Variants in DLGAP2 observed in about 807,000 individuals in gnomAD.
DLGAP2 encodes the protein disks large-associated protein 2.
In DLGAP2, 26 loss-of-function variants were observed where a neutral mutation model predicts 100.3. That is an observed-to-expected ratio of 0.26 (90% confidence interval 0.19 to 0.36). DLGAP2 has a LOEUF of 0.36. DLGAP2 is among the 10% of genes least tolerant of loss of function. The pLI is 1.00. For missense variants in DLGAP2, 1,858 were observed against 1,453.2 expected, an observed-to-expected ratio of 1.28 and a Z score of -4.53; for synonymous variants, 886 against 630.1, an observed-to-expected ratio of 1.41 and a Z score of -6.08.
intron 1 of DLGAP2, among the ~76,000 whole-genome samples, chr8:811,143 A>T (rs1048250161): frequency 2.0e-5 from 3 of 152,048 alleles, no homozygotes; most frequent in Non-Finnish European, 2.9e-5. Context: ...GGTGAAGCTC[A>T]CTCCATTATC....
rs77867208 is a variant in DLGAP2, at chr8:1,641,723, T to C, written c.1810+8677T>C. Reference sequence around the variant, plus strand: ...AGTTACTGTAAGAAAGGATTCCTAATTGGTCATTTAACATCTTATCACCCA... The same window carrying C: ...AGTTACTGTAAGAAAGGATTCCTAACTGGTCATTTAACATCTTATCACCCA... On this transcript the variant is annotated intron_variant, in intron 8 of 14. Transcript: ENST00000637795. 8.6e-3 allele frequency among the ~76,000 whole-genome samples: 1,316 copies of C among 152,232 alleles called. 20 individuals are homozygous for C. Among genetic ancestry groups the C allele is most frequent in the African/African-American group, 0.03 (1,247 of 41,516 alleles).
At chr8:1,038,433 C>T (rs1434115022) in intron 2 of DLGAP2, among the ~76,000 whole-genome samples, 2 of 152,194 alleles carry the variant, frequency 1.3e-5, no homozygotes, top group Non-Finnish European at 2.9e-5. Flanking sequence ...AAAACACCTG[C>T]AGCTGTGGGT....
chr8:959,315 CAT>C (rs776857283), intron 2 of DLGAP2, among the ~76,000 whole-genome samples: 3 of 152,196 alleles, frequency 2.0e-5, no homozygotes, highest in Non-Finnish European at 4.4e-5. Flanking sequence ...GTGTGGCACA[CAT>C]GACAGAATAA....
Position 892,789 on chromosome 8 carries a change from A to G in DLGAP2, c.19-15123A>G, listed in dbSNP as rs139914586. On this transcript the variant is annotated intron_variant, in intron 1 of 14. Transcript: ENST00000637795. ...GCCATGCTCCAGCAGTAGCAGCAACATCTCAGGTTTAGGAGGGAATTTAGG... is the reference window on the plus strand; with the variant it reads ...GCCATGCTCCAGCAGTAGCAGCAACGTCTCAGGTTTAGGAGGGAATTTAGG... Among the ~76,000 whole-genome samples the G allele has an allele frequency of 2.4e-3, 367 of 152,284 alleles. 3 individuals are homozygous for G. Among genetic ancestry groups the G allele is most frequent in the African/African-American group, 8.4e-3 (348 of 41,566 alleles).
At chr8:1,092,402 C>T (rs1478647585) in intron 2 of DLGAP2, among the ~76,000 whole-genome samples, 11 of 152,342 alleles carry the variant, frequency 7.2e-5, no homozygotes, top group South Asian at 2.1e-4. Flanking sequence ...TTGCCGTCAG[C>T]GATCCCGGGG....
intron 3 of DLGAP2, among the ~76,000 whole-genome samples, chr8:1,469,660 C>T (rs1798724889): frequency 6.6e-6 from 1 of 152,184 alleles, no homozygotes; most frequent in African/African-American, 2.4e-5. Flanking sequence ...CAAGATGATT[C>T]TCACGTCAGA....
intron 1 of DLGAP2, among the ~76,000 whole-genome samples, chr8:856,192 T>TTTC (rs1797274514): frequency 6.7e-6 from 1 of 148,302 alleles, no homozygotes; most frequent in African/African-American, 2.5e-5. Flanking sequence ...CTTCTTTTTT[T>TTTC]TTTTTTTTTT....
chr8:1,095,691 G>A (rs1585053951), intron 2 of DLGAP2, among the ~76,000 whole-genome samples: 1 of 152,250 alleles, frequency 6.6e-6, no homozygotes, highest in East Asian at 1.9e-4. Context: ...TCAGGTCCCA[G>A]GCCAAAACAG....
rs945885820 is a variant in DLGAP2 at position 883,581 on chromosome 8, C to G, written c.19-24331C>G. Among the ~76,000 whole-genome samples, 4 of 151,300 alleles carry G rather than the reference C, an allele frequency of 2.6e-5. No homozygotes were observed. In the East Asian group the frequency reaches 7.8e-4, roughly 30 times the overall value. Reference sequence around the variant, plus strand: ...GTTTGTTACACAGGTACGCGTGTGCCGCGGCGGTTCGTTACATAGGAACGC... The same window carrying G: ...GTTTGTTACACAGGTACGCGTGTGCGGCGGCGGTTCGTTACATAGGAACGC... On this transcript the variant is annotated intron_variant, in intron 1 of 14. Transcript: ENST00000637795.
At chr8:1,496,025 C>T (rs975623938) in intron 3 of DLGAP2, among the ~76,000 whole-genome samples, 1 of 152,236 alleles carries the variant, frequency 6.6e-6, no homozygotes. Flanking sequence ...GGTTCTCCTT[C>T]GAGTGCCCAG....
chr8:1,262,888 G>C (rs1424910016), intron 3 of DLGAP2, among the ~76,000 whole-genome samples: 2 of 145,258 alleles, frequency 1.4e-5, no homozygotes, highest in African/African-American at 5.1e-5. Context: ...ACAGATGTCA[G>C]TTCATGGATT....
intron 2 of DLGAP2, among the ~76,000 whole-genome samples, chr8:1,182,852 T>G (rs1161037208): frequency 1.3e-5 from 2 of 152,170 alleles, no homozygotes; most frequent in Non-Finnish European, 2.9e-5. Context: ...CTCCGCAGCC[T>G]GTGGGATCGG....
At chr8:961,417 G>C (rs1218378722) in intron 2 of DLGAP2, among the ~76,000 whole-genome samples, 1 of 152,138 alleles carries the variant, frequency 6.6e-6, no homozygotes, top group African/African-American at 2.4e-5. Flanking sequence ...CTTCTTTCTA[G>C]AAGTCCCTGT....
At chr8:1,009,469 A>G (rs575534823) in intron 2 of DLGAP2, among the ~76,000 whole-genome samples, 1 of 152,316 alleles carries the variant, frequency 6.6e-6, no homozygotes, top group Non-Finnish European at 1.5e-5. Flanking sequence ...GACTTTTGGT[A>G]TTGCTTCTGA....
At chr8:905,299 C>A (rs1048617240) in intron 1 of DLGAP2, among the ~76,000 whole-genome samples, 9 of 152,054 alleles carry the variant, frequency 5.9e-5, no homozygotes, top group African/African-American at 2.2e-4. Flanking sequence ...GGGCTGTCTC[C>A]TGGGGAGAGT....
chr8:1,255,044 TGTGTGTGTGTCCTCTCATCCTGCCCGGC>T (rs1799156306), intron 2 of DLGAP2, among the ~76,000 whole-genome samples: 2 of 109,168 alleles, frequency 1.8e-5, no homozygotes, highest in African/African-American at 6.1e-5. Context: ...GCCCAGCCGC[TGTGTGTGTGTCCTCTCATCCTGCCCGGC>T]CGCTGTGTGT....
intron 3 of DLGAP2, among the ~76,000 whole-genome samples, chr8:1,471,637 G>A (rs1041324623): frequency 6.6e-6 from 1 of 151,684 alleles, no homozygotes; most frequent in African/African-American, 2.4e-5. Flanking sequence ...TGAATTAAGG[G>A]ATCCTCAAAC....
rs561878229 is a variant in DLGAP2, at chr8:1,549,425, C to T, written c.972C>T (p.Ala324=). 3 of 1,613,440 alleles carry T rather than the reference C, an allele frequency of 1.9e-6. No homozygotes were observed. The highest frequency in any genetic ancestry group is 1.7e-6 in the Non-Finnish European group (2 of 1,179,786). ...VLNRHHLGPV[A]HCYPDALQSP... is the part of the protein sequence containing the mutation. ...ACCGGCACCACCTGGGCCCCGTGGC[C>T]CACTGCTACCCCGACGCGCTGCAGA... The change falls in exon 5 of 15, where the codon GCC becomes GCT. Residue 324 remains alanine, a synonymous_variant. Transcript: ENST00000637795.
At chr8:1,267,586 AATAAG>A (rs1186600186) in intron 3 of DLGAP2, among the ~76,000 whole-genome samples, 6,998 of 48,262 alleles carry the variant, frequency 0.14, 807 homozygotes, top group Admixed American at 0.21. Context: ...AATAAAATAA[AATAAG>A]ATAAGATAAG....
Sources: gnomAD v4.1 joint callset for allele counts (sites outside exome capture counted in the v4.1 genomes callset) on GRCh38, gnomAD v4.1.1 for gene constraint, MANE v1.5 for transcripts, NCBI Gene and HGNC (gene_info 2026-07-23, HGNC 2026-07-21) for gene names.